CMYA5: variants seen among roughly 807,000 people sequenced by gnomAD.
CMYA5 encodes cardiomyopathy-associated protein 5.
A neutral mutation model predicts 318.9 loss-of-function variants in CMYA5; 246 were observed. The ratio of observed to expected loss-of-function variants is 0.77; its 90% confidence interval spans 0.70 to 0.86. The LOEUF (loss-of-function observed/expected upper bound fraction) is 0.86, where lower values mean the gene tolerates loss of function less well. CMYA5 is among the 40% of genes least tolerant of loss of function. The pLI is 0.00. For missense variants in CMYA5, 4,589 were observed against 4,678.2 expected (o/e 0.98, Z 0.56); for synonymous variants, 1,641 against 1,729.5 (o/e 0.95, Z 1.27).
chr5:79,730,547 T>G lies in CMYA5; in HGVS notation c.1782T>G (p.Phe594Leu), dbSNP rs72635619. 0.015 allele frequency: 23,511 copies of G among 1,613,932 alleles called. 1,326 individuals are homozygous for G. The East Asian group carries it at 0.2, about 14-fold the overall frequency. The part of the protein sequence containing the change: ...EIASVSTGSA[F>L]VSEYSVPQDL... Reference sequence around the variant, plus strand: ...CATCTGTTTCTACTGGTTCTGCTTTTGTATCAGAGTATTCAGTACCACAGG... The same window carrying G: ...CATCTGTTTCTACTGGTTCTGCTTTGGTATCAGAGTATTCAGTACCACAGG... Residue 594 changes from phenylalanine (F) to leucine (L), a missense_variant, in exon 2 of 13, where the codon TTT (phenylalanine) becomes TTG (leucine). Transcript: ENST00000446378.
chr5:79,791,601 A>G (rs921866553), intron 11 of CMYA5, among the ~76,000 whole-genome samples: 1 of 151,686 alleles, frequency 6.6e-6, no homozygotes, highest in African/African-American at 2.4e-5. Context: ...CACGCCTGTA[A>G]TCTCAGCTAC....
intron 1 of CMYA5, among the ~76,000 whole-genome samples, chr5:79,711,680 A>G (rs1398702884): frequency 6.6e-6 from 1 of 152,226 alleles, no homozygotes; most frequent in Non-Finnish European, 1.5e-5. Flanking sequence ...TGTATGCACA[A>G]AAGAACATAC....
chr5:79,730,736 A>T lies in CMYA5; in HGVS notation c.1971A>T (p.Thr657=). ...PTSESSLSPS[T]TEKTSENQSP... ...CTGAGAGCTCTCTCTCACCATCCAC[A>T]ACTGAGAAGACTTCAGAGAACCAGT... Residue 657 remains threonine (T), a synonymous_variant, in exon 2 of 13, where the codon ACA becomes ACT. Transcript: ENST00000446378. The T allele has an allele frequency of 6.2e-7, 1 of 1,613,932 alleles. No homozygotes were observed. The highest frequency in any genetic ancestry group is 1.3e-5 in the African/African-American group (1 of 75,046).
chr5:79,717,495 G>A (rs1827540872), intron 1 of CMYA5, among the ~76,000 whole-genome samples: 1 of 152,168 alleles, frequency 6.6e-6, no homozygotes, highest in African/African-American at 2.4e-5. Context: ...TGGATACATG[G>A]AGAAGTTGAT....
chr5:79,751,996 T>C (rs1266679229), intron 5 of CMYA5, among the ~76,000 whole-genome samples: 1 of 152,226 alleles, frequency 6.6e-6, no homozygotes, highest in African/African-American at 2.4e-5. Flanking sequence ...TTTGTCATTG[T>C]TTGTTTAAAT....
chr5:79,739,295 C>T lies in CMYA5; in HGVS notation c.10530C>T (p.Asp3510=). Residue 3510 remains aspartate, a synonymous_variant, in exon 2 of 13, where the codon GAC becomes GAT. Transcript: ENST00000446378. The stretch of plus-strand genomic sequence containing the variant: ...AAGAGCTGAAAAAGTCCCAGATTGA[C>T]ACATACTGTTACACCTGCAAATGTC... ...AQKELKKSQI[D]TYCYTCKCPI... 3.1e-6 allele frequency: 5 copies of T among 1,605,020 alleles called. No individual in the cohort carries two copies. Among genetic ancestry groups the T allele is most frequent in the Non-Finnish European group, 4.3e-6 (5 of 1,175,756 alleles).
At chr5:79,796,487 TCTC>T (rs1829278029) in intron 12 of CMYA5, among the ~76,000 whole-genome samples, 2 of 152,198 alleles carry the variant, frequency 1.3e-5, no homozygotes, top group African/African-American at 4.8e-5. Flanking sequence ...GCATCCTTGA[TCTC>T]CTGGGCTCAA....
At chr5:79,709,860 C>G (rs1827349216) in intron 1 of CMYA5, among the ~76,000 whole-genome samples, 1 of 142,844 alleles carries the variant, frequency 7.0e-6, no homozygotes, top group Admixed American at 7.4e-5. Context: ...ATTTGGGAGG[C>G]TGAGGCAGGA....
In CMYA5 at chr5:79,729,327, A is replaced by G. The variant is rs777935616; in HGVS notation, c.562A>G (p.Ile188Val). Reference sequence around the variant, plus strand: ...GGAGAAAGAGAAGTCATATACTGGCATTTATGATAAAGCAAGAAAAAAGAA... The same window carrying G: ...GGAGAAAGAGAAGTCATATACTGGCGTTTATGATAAAGCAAGAAAAAAGAA... ...TTEKEKSYTGIYDKARKKKTT... is the reference protein window; with the variant it reads ...TTEKEKSYTGVYDKARKKKTT... Residue 188 changes from isoleucine to valine, a missense_variant, in exon 2 of 13, where the codon ATT (isoleucine) becomes GTT (valine). Ile to Val is a conservative substitution (Grantham distance 29, BLOSUM62 3). This residue lies in a region of CMYA5 where 2,132 missense variants were observed against 2,131.3 expected (regional missense o/e 1.00). Transcript: ENST00000446378. 1 of 1,612,376 alleles carries G rather than the reference A, an allele frequency of 6.2e-7. No homozygotes were observed. Among genetic ancestry groups the G allele is most frequent in the Non-Finnish European group, 8.5e-7 (1 of 1,179,534 alleles).
chr5:79,709,603 A>G (rs1827343212), intron 1 of CMYA5, among the ~76,000 whole-genome samples: 1 of 150,118 alleles, frequency 6.7e-6, no homozygotes, highest in Non-Finnish European at 1.5e-5. Context: ...TTTTTTTTTC[A>G]GAGTCCACAT....
At chr5:79,706,719 C>T (rs62363668) in intron 1 of CMYA5, among the ~76,000 whole-genome samples, 34,045 of 151,688 alleles carry the variant, frequency 0.22, 4,061 homozygotes, top group Admixed American at 0.35. Flanking sequence ...TTCATAGGCT[C>T]TCTGTGGGGG....
rs766096340 is a variant in CMYA5 at position 79,738,630 on chromosome 5, A to G, written c.9865A>G (p.Ile3289Val). Reference protein sequence around the residue: ...EGEIWGKFGTICREKSLEEQK... With the variant: ...EGEIWGKFGTVCREKSLEEQK... ...GGAAATTTGGGGAAAGTTTGGAACT[A>G]TTTGCAGGGAGAAGAGTCTGGAAGA... is the stretch of plus-strand genomic sequence containing the variant. Residue 3289 changes from isoleucine (I) to valine (V), a missense_variant, in exon 2 of 13, where the codon ATT becomes GTT. Ile to Val is a conservative substitution (Grantham distance 29). Coordinates refer to ENST00000446378, the MANE Select transcript of CMYA5 (RefSeq NM_153610.5). The G allele has an allele frequency of 2.5e-6, 4 of 1,613,896 alleles. No individual in the cohort carries two copies. Among genetic ancestry groups the G allele is most frequent in the African/African-American group, 2.7e-5 (2 of 75,026 alleles).
At position 79,763,097 on chromosome 5, in the gene CMYA5, A is replaced by C; in HGVS notation, c.11443A>C (p.Thr3815Pro). The change falls in exon 9 of 13, where the codon ACT becomes CCT. Residue 3815 changes from threonine (T) to proline (P), a missense_variant. Transcript: ENST00000446378. The stretch of plus-strand genomic sequence containing the variant: ...CCCTGTGATCCGCGCTGAGGACTGT[A>C]CTGTGTGTTGGAACACAGCCACTAT... ...STPVIRAEDC[T>P]VCWNTATIRW... The C allele has an allele frequency of 6.2e-7, 1 of 1,613,770 alleles. No individual in the cohort carries two copies. The highest frequency in any genetic ancestry group is 8.5e-7 in the Non-Finnish European group (1 of 1,179,844).
Position 79,735,019 on chromosome 5 carries a change from A to G in CMYA5, c.6254A>G (p.Asn2085Ser), listed in dbSNP as rs1430085998. 3 of 1,613,752 alleles carry G rather than the reference A, an allele frequency of 1.9e-6. No individual in the cohort carries two copies. The highest frequency in any genetic ancestry group is 4.5e-5 in the East Asian group (2 of 44,882). ...GAAGGTGTGGAACCTGCATTGGGCA[A>G]TGAAAAAGAAGCACACAGGAGCACA... ...PAEGVEPALG[N>S]EKEAHRSTPP... Residue 2085 changes from asparagine (N) to serine (S), a missense_variant, in exon 2 of 13, where the codon AAT becomes AGT. Physicochemically the swap from Asn to Ser is conservative, Grantham distance 46. This residue lies in a region of CMYA5 where 2,431 missense variants were observed against 2,495.1 expected (regional missense o/e 0.97). Transcript: ENST00000446378.
At chr5:79,796,625 C>T (rs763409189) in intron 12 of CMYA5, among the ~76,000 whole-genome samples, 9 of 152,224 alleles carry the variant, frequency 5.9e-5, no homozygotes, top group Non-Finnish European at 1.3e-4. Context: ...GTCTCTAACT[C>T]CTGACCTCAA....
Position 79,742,291 on chromosome 5 carries a change from A to G in CMYA5, c.10639-1536A>G, listed in dbSNP as rs114834872. ...CGCTGAAGCCTCCTGGGCTCAAGCA[A>G]TCCTCTCGCCTCAGCCTCCTGACTA... is the stretch of plus-strand genomic sequence containing the variant. On this transcript the variant is annotated intron_variant, in intron 2 of 12. Transcript: ENST00000446378. 7.9e-3 allele frequency among the ~76,000 whole-genome samples: 1,194 copies of G among 151,790 alleles called. 16 individuals carry two copies. Among genetic ancestry groups the G allele is most frequent in the African/African-American group, 0.028 (1,138 of 41,358 alleles).
chr5:79,724,804 A>G (rs1180467114), intron 1 of CMYA5, among the ~76,000 whole-genome samples: 3 of 152,200 alleles, frequency 2.0e-5, no homozygotes, highest in Non-Finnish European at 4.4e-5. Context: ...CTAATACTGT[A>G]TAATCATTCT....
chr5:79,788,321 C>A (rs1281256365), intron 9 of CMYA5, among the ~76,000 whole-genome samples: 1 of 151,812 alleles, frequency 6.6e-6, no homozygotes, highest in African/African-American at 2.4e-5. Flanking sequence ...ATTCAGAGAG[C>A]TCCGTCTTCA....
At position 79,746,743 on chromosome 5, in the gene CMYA5, C is replaced by T. The variant is rs1717272584; in HGVS notation, c.10969-348C>T. 3.3e-5 allele frequency among the ~76,000 whole-genome samples: 5 copies of T among 152,132 alleles called. No homozygotes were observed. The South Asian group carries it at 1.0e-3, about 32-fold the overall frequency. ...GAGAATTCTATTCTGGAAGCTAAGC[C>T]ATTGGTTGATGAATAGAGAGAAGCA... On this transcript the variant is annotated intron_variant, in intron 4 of 12. Coordinates refer to ENST00000446378, the MANE Select transcript of CMYA5 (RefSeq NM_153610.5).
Sources: gnomAD v4.1 joint callset for allele counts (sites outside exome capture counted in the v4.1 genomes callset) on GRCh38, gnomAD v4.1.1 for gene constraint, gnomAD v4.1.1 regional missense constraint, MANE v1.5 for transcripts, NCBI Gene and HGNC (gene_info 2026-07-23, HGNC 2026-07-21) for gene names.